Variants in CXCL9 observed in about 807,000 individuals in gnomAD.
The protein encoded by CXCL9 is C-X-C motif chemokine 9.
Under a neutral mutation model 11.7 loss-of-function variants are expected in CXCL9, and 8 were observed. That is an observed-to-expected ratio of 0.68 (90% CI 0.40 to 1.23). The LOEUF (loss-of-function observed/expected upper bound fraction) is 1.23, where lower values mean the gene tolerates loss of function less well. Among genes scored for constraint, CXCL9 ranks in the 50% most tolerant of loss-of-function variants. CXCL9 has a pLI of 0.01. For synonymous variants in CXCL9, 43 were observed against 48.2 expected (o/e 0.89, Z 0.45); for missense variants, 133 against 141.7 (o/e 0.94, Z 0.31).
Position 76,006,218 on chromosome 4 carries a change from T to G in CXCL9, c.121A>C (p.Ile41Leu). ...CSCISTNQGT[I>L]HLQSLKDLKQ... ...AGGTCTTTCAAGGATTGTAGGTGGATAGTCCCTTGGTTGGTGCTGATGCAG... is the reference window on the plus strand; with the variant it reads ...AGGTCTTTCAAGGATTGTAGGTGGAGAGTCCCTTGGTTGGTGCTGATGCAG... The change falls in exon 2 of 4, where the codon ATC (isoleucine) becomes CTC (leucine). Residue 41 changes from isoleucine to leucine, a missense_variant. Coordinates refer to ENST00000264888, the MANE Select transcript of CXCL9 (RefSeq NM_002416.3). The G allele has an allele frequency of 1.2e-6, 2 of 1,613,870 alleles. No individual in the cohort carries two copies. Among genetic ancestry groups the G allele is most frequent in the Middle Eastern group, 1.6e-4 (1 of 6,062 alleles).
chr4:76,003,794 A>G, intron 3 of CXCL9, 95 bp from the exon 4 acceptor site: 1 of 718,486 alleles, frequency 1.4e-6, no homozygotes, highest in Non-Finnish European at 2.4e-6. Context: ...TCATACCCAC[A>G]TAGTCTCAAA....
At chr4:76,003,878 G>A (rs1413217619) in intron 3 of CXCL9, among the ~76,000 whole-genome samples, 179 bp from the exon 4 acceptor site, 1 of 152,142 alleles carries the variant, frequency 6.6e-6, no homozygotes, top group African/African-American at 2.4e-5. Context: ...TGAGGAGGAG[G>A]CAACAGCCTT....
chr4:76,006,540 G>A (rs1188460505), intron 1 of CXCL9, among the ~76,000 whole-genome samples: 2 of 152,164 alleles, frequency 1.3e-5, no homozygotes, highest in Non-Finnish European at 2.9e-5. Flanking sequence ...GTCCAAAGGC[G>A]TTGCTCTTAA....
rs770862403 is a variant in CXCL9, at chr4:76,007,388, T to C, written c.62A>G (p.Gln21Arg). The change falls in exon 1 of 4, where the codon CAA (glutamine) becomes CGA (arginine). Residue 21 changes from glutamine to arginine, a missense_variant and splice_region_variant. Gln to Arg is a conservative substitution (Grantham distance 43). Transcript: ENST00000264888. ...CAACCTAACTCAGAACCCCTTACCT[T>C]GCACTCCAATCAGAACCAGCAAGAT... ...GIILLVLIGV[Q>R]GTPVVRKGRC... The C allele has an allele frequency of 3.8e-6, 6 of 1,566,066 alleles. No homozygotes were observed. Among genetic ancestry groups the C allele is most frequent in the Non-Finnish European group, 5.3e-6 (6 of 1,136,296 alleles).
rs1168160222 is a variant in CXCL9 at position 76,003,624 on chromosome 4, G to A, written c.352C>T (p.Arg118Cys). The change falls in exon 4 of 4, where the codon CGT (arginine) becomes TGT (cysteine). Residue 118 changes from arginine to cysteine, a missense_variant. By Grantham distance (180) the Arg-to-Cys change is radical. Transcript: ENST00000264888. The stretch of plus-strand genomic sequence containing the variant: ...TATGTAGTCTTCTTTTGACGAGAAC[G>A]TTGAGATTTTCGAACTTTCAGAACT... ...KKVLKVRKSQ[R>C]SRQKKTT 1.0e-5 allele frequency: 16 copies of A among 1,607,626 alleles called. No individual in the cohort carries two copies. Among genetic ancestry groups the A allele is most frequent in the Admixed American group, 1.7e-5 (1 of 59,926 alleles).
intron 1 of CXCL9, among the ~76,000 whole-genome samples, chr4:76,007,180 T>C (rs1486184739): frequency 3.3e-5 from 5 of 152,208 alleles, no homozygotes; most frequent in Non-Finnish European, 7.3e-5. Context: ...TAGGAATTCA[T>C]ACACCTAGAC....
chr4:76,003,320 T>C lies in CXCL9; in HGVS notation c.*278A>G. On this transcript the variant is annotated 3_prime_UTR_variant, in exon 4 of 4. Transcript: ENST00000264888. Reference sequence around the variant, plus strand: ...TGGGATGTGGTTGGGTGAACATCTGTGTAGACATGGGTATTGCTAAAATCA... The same window carrying C: ...TGGGATGTGGTTGGGTGAACATCTGCGTAGACATGGGTATTGCTAAAATCA... The C allele has an allele frequency of 2.8e-6, 1 of 357,082 alleles. No individual in the cohort carries two copies. 22.1% of individuals were successfully genotyped at this position (357,082 alleles called of 1,614,324 possible). A position where few individuals can be genotyped will look rare whatever the true frequency, so the allele number is the denominator to read the frequency against.
At chr4:76,004,611 C>G (rs144492403) in intron 3 of CXCL9, among the ~76,000 whole-genome samples, 198 bp downstream of exon 3, 1 of 152,258 alleles carries the variant, frequency 6.6e-6, no homozygotes, top group East Asian at 1.9e-4. Context: ...ACACATTCTT[C>G]CAGTGGGAGA....
chr4:76,002,412 T>TGA lies in CXCL9; in HGVS notation c.*1184_*1185dup, dbSNP rs1731484017. The stretch of plus-strand genomic sequence containing the variant: ...GTTGCATCATCCCTGGTCCCTGTAG[T>TGA]GAGTGTCCTGAAGATAATAAGTAAG... On this transcript the variant is annotated 3_prime_UTR_variant, in exon 4 of 4. Coordinates refer to ENST00000264888, the MANE Select transcript of CXCL9 (RefSeq NM_002416.3). The TGA allele has an allele frequency of 2.5e-6, 1 of 398,394 alleles. No homozygotes were observed. The highest frequency in any genetic ancestry group is 4.4e-6 in the Non-Finnish European group (1 of 226,004). 24.7% of individuals were successfully genotyped at this position (398,394 alleles called of 1,614,324 possible).
chr4:76,005,996 G>A (rs773356302), intron 2 of CXCL9, 152 bp downstream of exon 2: 9 of 619,350 alleles, frequency 1.5e-5, no homozygotes, highest in Non-Finnish European at 2.6e-5. Flanking sequence ...TTTTTAAGGA[G>A]AAGAAAAGAA....
chr4:76,003,745 T>C (rs1224688823), intron 3 of CXCL9, 46 bp from the exon 4 acceptor site: 2 of 1,130,350 alleles, frequency 1.8e-6, no homozygotes. Context: ...AATCTTACCA[T>C]TTTTACTTCC....
chr4:76,006,422 G>T (rs753566997), intron 1 of CXCL9, 148 bp from the exon 2 acceptor site: 4 of 706,394 alleles, frequency 5.7e-6, no homozygotes, highest in Non-Finnish European at 9.2e-6. Flanking sequence ...TTTGAAGGAG[G>T]TATCATCTCT....
chr4:76,007,431 G>T lies in CXCL9; in HGVS notation c.19C>A (p.Leu7Ile). Reference sequence around the variant, plus strand: ...AGCAAGATGATGCCCAAGAGGAAAAGAACACCACTTTTCTTCATAGTGATA... The same window carrying T: ...AGCAAGATGATGCCCAAGAGGAAAATAACACCACTTTTCTTCATAGTGATA... The part of the protein sequence containing the change: MKKSGV[L>I]FLLGIILLVL... The change falls in exon 1 of 4, where the codon CTT becomes ATT. Residue 7 changes from leucine (L) to isoleucine (I), a missense_variant. Physicochemically the swap from Leu to Ile is conservative, Grantham distance 5. Transcript: ENST00000264888. The T allele has an allele frequency of 6.3e-7, 1 of 1,599,150 alleles. No individual in the cohort carries two copies. The highest frequency in any genetic ancestry group is 8.6e-7 in the Non-Finnish European group (1 of 1,166,408).
In CXCL9 at chr4:76,001,425, C is replaced by T. The variant is rs1293362380; in HGVS notation, c.*2173G>A. The T allele has an allele frequency of 6.6e-6, 1 of 152,058 alleles. No individual in the cohort carries two copies. The highest frequency in any genetic ancestry group is 6.5e-5 in the Admixed American group (1 of 15,268). 9.4% of individuals were successfully genotyped at this position (152,058 alleles called of 1,614,324 possible). ...ATAAGATTTACTATTAAACATTCAA[C>T]AGTTGAAGGGTACATTCAAGAGAAA... On this transcript the variant is annotated 3_prime_UTR_variant, in exon 4 of 4. Coordinates refer to ENST00000264888, the MANE Select transcript of CXCL9 (RefSeq NM_002416.3).
At position 76,004,843 on chromosome 4, in the gene CXCL9, T is replaced by A. The variant is rs1049977282; in HGVS notation, c.242A>T (p.Asp81Val). 1 of 1,609,900 alleles carries A rather than the reference T, an allele frequency of 6.2e-7. No homozygotes were observed. Among genetic ancestry groups the A allele is most frequent in the Admixed American group, 1.7e-5 (1 of 59,282 alleles). ...VQTCLNPDSA[D>V]VKELIKKWEK... is the part of the protein sequence containing the mutation. The stretch of plus-strand genomic sequence containing the variant: ...CCACTTTTTAATCAGTTCCTTCACA[T>A]CTGCTGAATCTGGGTTTAGACATGT... Residue 81 changes from aspartate to valine, a missense_variant, in exon 3 of 4, where the codon GAT (aspartate) becomes GTT (valine). By Grantham distance (152) the Asp-to-Val change is radical. Coordinates refer to ENST00000264888, the MANE Select transcript of CXCL9 (RefSeq NM_002416.3).
At chr4:76,004,727 A>T in intron 3 of CXCL9, 82 bp downstream of exon 3, 1 of 1,502,176 alleles carries the variant, frequency 6.7e-7, no homozygotes. Flanking sequence ...GTATTCTTAT[A>T]GTGTTAATGA....
Position 76,006,201 on chromosome 4 carries a change from C to G in CXCL9, c.138G>C (p.Leu46Phe). 1.2e-6 allele frequency: 2 copies of G among 1,613,772 alleles called. No individual in the cohort carries two copies. Among genetic ancestry groups the G allele is most frequent in the Non-Finnish European group, 1.7e-6 (2 of 1,179,770 alleles). Residue 46 changes from leucine (L) to phenylalanine (F), a missense_variant, in exon 2 of 4, where the codon TTG (leucine) becomes TTC (phenylalanine). Coordinates refer to ENST00000264888, the MANE Select transcript of CXCL9 (RefSeq NM_002416.3). ...TNQGTIHLQS[L>F]KDLKQFAPSP... ...TTGGGGCAAATTGTTTAAGGTCTTT[C>G]AAGGATTGTAGGTGGATAGTCCCTT...
At chr4:76,005,424 G>A (rs1428346038) in intron 2 of CXCL9, 1 of 152,204 alleles carries the variant, frequency 6.6e-6, no homozygotes, top group African/African-American at 2.4e-5. Context: ...TGTATAGTCT[G>A]AGAATAAGAG....
rs1267283411 is a variant in CXCL9, at chr4:76,003,607, C to T, written c.369G>A (p.Lys123=). Residue 123 remains lysine, a synonymous_variant, in exon 4 of 4, where the codon AAG becomes AAA. Coordinates refer to ENST00000264888, the MANE Select transcript of CXCL9 (RefSeq NM_002416.3). ...TTGGTGAAGTGGTCTCTTATGTAGT[C>T]TTCTTTTGACGAGAACGTTGAGATT... is the stretch of plus-strand genomic sequence containing the variant. ...VRKSQRSRQK[K]TT is the part of the protein sequence containing the mutation. 6.3e-7 allele frequency: 1 copy of T among 1,586,280 alleles called. No individual in the cohort carries two copies. The highest frequency in any genetic ancestry group is 2.2e-5 in the East Asian group (1 of 44,722).
Sources: allele counts gnomAD v4.1 joint callset (sites outside exome capture counted in the v4.1 genomes callset), GRCh38; gene constraint gnomAD v4.1.1; transcripts MANE v1.5; gene names NCBI Gene and HGNC (gene_info 2026-07-23, HGNC 2026-07-21).